The following FRY variants were observed in gnomAD, a reference collection of about 807,000 sequenced individuals.
FRY encodes protein furry homolog.
FRY carries 128 observed loss-of-function variants against 348.4 expected under a neutral mutation model. The ratio of observed to expected loss-of-function variants is 0.37; its 90% CI spans 0.32 to 0.43. The LOEUF (loss-of-function observed/expected upper bound fraction) is 0.43. Among genes scored for constraint, FRY ranks in the 20% least tolerant of loss-of-function variants. The probability of loss-of-function intolerance (pLI) is 1.00; values close to 1 mark genes in which losing one functional copy is unlikely to be tolerated. For synonymous variants in FRY, 1,370 were observed against 1,374.7 expected, an observed-to-expected ratio of 1.00 and a Z score of 0.08; for missense variants, 2,736 against 3,695.2, an observed-to-expected ratio of 0.74 and a Z score of 6.73.
chr13:32,236,002 A>T, intron 42 of FRY, 76 bp from the exon 43 acceptor site: 1 of 1,027,566 alleles, frequency 9.7e-7, no homozygotes, highest in Non-Finnish European at 1.5e-6. Flanking sequence ...AATACAGTTT[A>T]CATTAATTAA....
chr13:32,133,371 G>A (rs78281980), intron 8 of FRY, among the ~76,000 whole-genome samples: 6,282 of 152,206 alleles, frequency 0.041, 165 homozygotes, highest in Non-Finnish European at 0.065. Flanking sequence ...ACCTTAGAGA[G>A]TGGTTCTGAG....
intron 1 of FRY, among the ~76,000 whole-genome samples, chr13:32,068,911 C>CTT (rs142807722): frequency 7.2e-5 from 6 of 82,864 alleles, no homozygotes; most frequent in East Asian, 3.4e-4. Context: ...ATGTTCAATT[C>CTT]TTTTTTTTTT....
Position 32,179,671 on chromosome 13 carries a change from T to G in FRY, c.2872-4T>G, listed in dbSNP as rs80069587. The G allele has an allele frequency of 5.3e-4, 853 of 1,614,038 alleles. 2 individuals carry two copies. The African/African-American group carries it at 0.011, about 20-fold the overall frequency. On this transcript the variant is annotated splice_region_variant and splice_polypyrimidine_tract_variant and intron_variant, in intron 22 of 60. Coordinates refer to ENST00000542859, the MANE Select transcript of FRY (RefSeq NM_023037.3). Reference sequence around the variant, plus strand: ...CTTTTTCACTTGTATTCAACTTATTTCAGGCCATAGGCACCCCATCGGTGG... The same window carrying G: ...CTTTTTCACTTGTATTCAACTTATTGCAGGCCATAGGCACCCCATCGGTGG...
In FRY at chr13:32,147,426, C is replaced by T. The variant is rs775504218; in HGVS notation, c.1283+41C>T. The T allele has an allele frequency of 7.5e-6, 8 of 1,073,158 alleles. No individual in the cohort carries two copies. In the Admixed American group the frequency reaches 1.4e-4, roughly 19 times the overall value. The allele number at this position is 1,073,158 out of a possible 1,614,324, so 66.5% of individuals were successfully genotyped here. A position where few individuals can be genotyped will look rare whatever the true frequency, so the allele number is the denominator to read the frequency against. ...TGTCAATGGTAACCATATCACTCAGCCACTGCAGAGGGTGTTTCTTTTATT... is the reference window on the plus strand; with the variant it reads ...TGTCAATGGTAACCATATCACTCAGTCACTGCAGAGGGTGTTTCTTTTATT... On this transcript the variant is annotated intron_variant, in intron 12 of 60. Transcript: ENST00000542859.
At chr13:32,262,978 G>A (rs553613934) in intron 53 of FRY, among the ~76,000 whole-genome samples, 41 of 152,240 alleles carry the variant, frequency 2.7e-4, no homozygotes, top group African/African-American at 7.9e-4. Flanking sequence ...TGCCAGATTC[G>A]CACAAAACTC....
In FRY at chr13:32,231,365, A is replaced by G. The variant is rs1566152264; in HGVS notation, c.5527+65A>G. The G allele has an allele frequency of 3.3e-6, 5 of 1,537,220 alleles. No individual in the cohort carries two copies. The East Asian group carries it at 6.8e-5, about 21-fold the overall frequency. On this transcript the variant is annotated intron_variant, in intron 41 of 60. Coordinates refer to ENST00000542859, the MANE Select transcript of FRY (RefSeq NM_023037.3). ...GTTCTGTAATGGACACTGTCTCTAT[A>G]TGATGATTACAGCGCCTTAAAACGG...
At position 32,231,172 on chromosome 13, in the gene FRY, G is replaced by A. The variant is rs1280938385; in HGVS notation, c.5406-7G>A. 6.2e-7 allele frequency: 1 copy of A among 1,613,124 alleles called. No homozygotes were observed. Among genetic ancestry groups the A allele is most frequent in the Non-Finnish European group, 8.5e-7 (1 of 1,179,314 alleles). ...ATATTTTTGACATTTTGTGTGTTTT[G>A]TTTAAGGGCATTTGGTCCACTTTGG... On this transcript the variant is annotated splice_polypyrimidine_tract_variant and splice_region_variant and intron_variant, in intron 40 of 60. Transcript: ENST00000542859.
intron 35 of FRY, among the ~76,000 whole-genome samples, chr13:32,218,279 G>A (rs1885114604): frequency 6.6e-6 from 1 of 152,156 alleles, no homozygotes; most frequent in South Asian, 2.1e-4. Context: ...CCCTCTCAAG[G>A]AAACAAGAAA....
intron 4 of FRY, among the ~76,000 whole-genome samples, chr13:32,120,200 A>T (rs952074314): frequency 6.6e-6 from 1 of 152,128 alleles, no homozygotes; most frequent in African/African-American, 2.4e-5. Flanking sequence ...ATCTTCTCAA[A>T]CTATTATGTA....
intron 1 of FRY, among the ~76,000 whole-genome samples, chr13:32,060,410 C>T (rs955028577): frequency 1.3e-5 from 2 of 152,186 alleles, no homozygotes; most frequent in African/African-American, 2.4e-5. Flanking sequence ...TGAATCCAAT[C>T]ACTTTTCTTT....
intron 2 of FRY, chr13:32,085,885 C>G: frequency 1.9e-6 from 1 of 518,988 alleles, no homozygotes; most frequent in Non-Finnish European, 3.8e-6. Flanking sequence ...TTTCAGCAGA[C>G]CTGGTCTTAG....
At chr13:32,156,196 C>A (rs1216722283) in intron 15 of FRY, among the ~76,000 whole-genome samples, 1 of 152,178 alleles carries the variant, frequency 6.6e-6, no homozygotes, top group Non-Finnish European at 1.5e-5. Flanking sequence ...AATGTAGACA[C>A]CTACTACAAA....
chr13:32,117,501 G>A, intron 4 of FRY, 28 bp downstream of exon 4: 2 of 1,606,756 alleles, frequency 1.2e-6, no homozygotes, highest in South Asian at 1.1e-5. Context: ...AAGGATCATG[G>A]TTTTATTTTG....
chr13:32,293,399 CA>C (rs1889475788), intron 59 of FRY, among the ~76,000 whole-genome samples: 1 of 152,024 alleles, frequency 6.6e-6, no homozygotes, highest in South Asian at 2.1e-4. Context: ...GCATGTGTGC[CA>C]AGAAAAAATA....
intron 29 of FRY, among the ~76,000 whole-genome samples, chr13:32,194,659 AGAAGACC>A (rs1337600554): frequency 3.3e-5 from 5 of 152,248 alleles, no homozygotes; most frequent in African/African-American, 1.2e-4. Flanking sequence ...CCATCTTTAC[AGAAGACC>A]AAACCCAGGA....
intron 1 of FRY, among the ~76,000 whole-genome samples, chr13:32,055,704 A>C (rs1318737210): frequency 6.6e-6 from 1 of 152,248 alleles, no homozygotes; most frequent in Non-Finnish European, 1.5e-5. Flanking sequence ...GACTGAGGGC[A>C]ACAGAAAGAT....
Position 32,262,347 on chromosome 13 carries a change from C to T in FRY, c.7651C>T (p.Pro2551Ser), listed in dbSNP as rs768213969. Reference protein sequence around the residue: ...MTLSPSEETNPMELLTTACDS... With the variant: ...MTLSPSEETNSMELLTTACDS... Reference sequence around the variant, plus strand: ...TCTCTCCCCCTCTGAAGAGACGAATCCCATGGAGCTGCTCACCACAGCCTG... The same window carrying T: ...TCTCTCCCCCTCTGAAGAGACGAATTCCATGGAGCTGCTCACCACAGCCTG... Residue 2551 changes from proline to serine, a missense_variant, in exon 53 of 61, where the codon CCC becomes TCC. Physicochemically the swap from Pro to Ser is moderately conservative, Grantham distance 74. Coordinates refer to ENST00000542859, the MANE Select transcript of FRY (RefSeq NM_023037.3). The T allele has an allele frequency of 2.5e-6, 4 of 1,613,792 alleles. No individual in the cohort carries two copies. The South Asian group carries it at 3.3e-5, about 13-fold the overall frequency.
chr13:32,121,438 T>TTTTTTTG (rs1215378391), intron 4 of FRY, among the ~76,000 whole-genome samples: 1 of 152,072 alleles, frequency 6.6e-6, no homozygotes, highest in South Asian at 2.1e-4. Flanking sequence ...CATCTACGGG[T>TTTTTTTG]TTTTTTGTTT....
At chr13:32,177,771 A>C (rs1040085344) in intron 20 of FRY, among the ~76,000 whole-genome samples, 5 of 152,214 alleles carry the variant, frequency 3.3e-5, no homozygotes, top group African/African-American at 1.2e-4. Context: ...TGTTAATTAC[A>C]ATGATAAAAA....
Sources: gnomAD v4.1 joint callset for allele counts (sites outside exome capture counted in the v4.1 genomes callset) on GRCh38, gnomAD v4.1.1 for gene constraint, MANE v1.5 for transcripts, NCBI Gene and HGNC (gene_info 2026-07-23, HGNC 2026-07-21) for gene names.